IGSF11: variants seen among roughly 807,000 people sequenced by gnomAD.
IGSF11 encodes immunoglobulin superfamily member 11, also known as CXADR like 1.
A neutral mutation model predicts 41.0 loss-of-function variants in IGSF11; 22 were observed. The ratio of observed to expected loss-of-function variants is 0.54; its 90% CI spans 0.38 to 0.77. The LOEUF (loss-of-function observed/expected upper bound fraction) is 0.77, where lower values mean the gene tolerates loss of function less well. IGSF11 is among the 30% of genes least tolerant of loss of function. IGSF11 has a pLI of 0.00. For synonymous variants in IGSF11, 219 were observed against 201.3 expected, an observed-to-expected ratio of 1.09 and a Z score of -0.74; for missense variants, 444 against 530.8, an observed-to-expected ratio of 0.84 and a Z score of 1.61.
chr3:119,120,180 A>G (rs1043507915), intron 1 of IGSF11, among the ~76,000 whole-genome samples: 14 of 152,228 alleles, frequency 9.2e-5, no homozygotes, highest in African/African-American at 3.4e-4. Context: ...ACTACTGTCA[A>G]AACATTTAAG....
At chr3:119,082,148 T>C (rs1473589809) in intron 1 of IGSF11, among the ~76,000 whole-genome samples, 1 of 152,202 alleles carries the variant, frequency 6.6e-6, no homozygotes, top group East Asian at 1.9e-4. Context: ...TATATTCACT[T>C]TCTTTATTCA....
intron 1 of IGSF11, among the ~76,000 whole-genome samples, chr3:118,976,305 G>A (rs1345700285): frequency 2.0e-5 from 3 of 152,168 alleles, no homozygotes; most frequent in Admixed American, 2.0e-4. Flanking sequence ...AAATTAGTTT[G>A]TTTTCCCAAC....
chr3:119,050,242 C>T (rs1266934653), intron 1 of IGSF11, among the ~76,000 whole-genome samples: 5 of 152,026 alleles, frequency 3.3e-5, no homozygotes, highest in Non-Finnish European at 7.4e-5. Flanking sequence ...ATTTTCGCAA[C>T]CTACTCATCT....
chr3:118,962,624 T>G (rs76456475), intron 1 of IGSF11, among the ~76,000 whole-genome samples: 1 of 152,072 alleles, frequency 6.6e-6, no homozygotes. Flanking sequence ...AAACGACCAG[T>G]ATGTAGCCAT....
upstream of IGSF11, chr3:119,034,917 G>A: frequency 4.4e-6 from 4 of 912,468 alleles, no homozygotes; most frequent in Non-Finnish European, 5.5e-6. Context: ...CCGCAGCTCG[G>A]CTCCTCGCCG....
chr3:118,907,455 G>C (rs949981445), intron 4 of IGSF11, among the ~76,000 whole-genome samples: 1 of 152,124 alleles, frequency 6.6e-6, no homozygotes, highest in Non-Finnish European at 1.5e-5. Context: ...AGAGAACAGA[G>C]GGGGATAGGG....
rs527873492 is a variant in IGSF11 at position 119,112,057 on chromosome 3, G to C, written c.-13-6852C>G. ...GGGGTCAGGGGTCTGGGACCCACTT[G>C]AGGAGGCAGTCTGCCCATTCTCAGA... On this transcript the variant is annotated intron_variant, in intron 1 of 7. Transcript: ENST00000425327. Among the ~76,000 whole-genome samples, 6 of 152,336 alleles carry C rather than the reference G, an allele frequency of 3.9e-5. No homozygotes were observed. The South Asian group carries it at 1.2e-3, about 32-fold the overall frequency.
intron 1 of IGSF11, among the ~76,000 whole-genome samples, chr3:119,103,902 T>C (rs1301160483): frequency 3.9e-5 from 6 of 152,216 alleles, no homozygotes; most frequent in Non-Finnish European, 8.8e-5. Flanking sequence ...TAACTGTATC[T>C]GCCAATACTC....
At chr3:118,992,066 A>C (rs528758266) in intron 1 of IGSF11, among the ~76,000 whole-genome samples, 1 of 152,380 alleles carries the variant, frequency 6.6e-6, no homozygotes, top group Non-Finnish European at 1.5e-5. Context: ...AACCATAGGA[A>C]AGTTTTAGCA....
chr3:119,120,565 A>G (rs2077318451), intron 1 of IGSF11, among the ~76,000 whole-genome samples: 2 of 152,226 alleles, frequency 1.3e-5, no homozygotes, highest in Admixed American at 1.3e-4. Context: ...AGGCTTAAGA[A>G]GGTGGTGATT....
At chr3:119,025,313 C>T (rs1445997615) in intron 1 of IGSF11, among the ~76,000 whole-genome samples, 1 of 152,148 alleles carries the variant, frequency 6.6e-6, no homozygotes, top group Non-Finnish European at 1.5e-5. Flanking sequence ...CTAATTCCCT[C>T]ATTTTGCAAA....
intron 1 of IGSF11, among the ~76,000 whole-genome samples, chr3:118,935,252 T>C (rs775239157): frequency 6.9e-6 from 1 of 144,486 alleles, no homozygotes; most frequent in Non-Finnish European, 1.5e-5. Context: ...TATATGTATA[T>C]ATATATAAAT....
At chr3:118,931,702 A>T (rs1942865331) in intron 1 of IGSF11, among the ~76,000 whole-genome samples, 1 of 151,392 alleles carries the variant, frequency 6.6e-6, no homozygotes, top group South Asian at 2.1e-4. Context: ...GGTTCCTGTG[A>T]TGGTTGTACA....
intron 1 of IGSF11, among the ~76,000 whole-genome samples, chr3:119,117,993 G>C (rs748753126): frequency 2.6e-5 from 4 of 152,242 alleles, no homozygotes; most frequent in Non-Finnish European, 4.4e-5. Flanking sequence ...GTCTTGGACA[G>C]CTCTGCCCTT....
chr3:119,110,732 T>C (rs2077140550), intron 1 of IGSF11, among the ~76,000 whole-genome samples: 1 of 152,124 alleles, frequency 6.6e-6, no homozygotes, highest in African/African-American at 2.4e-5. Context: ...CTGGTACCAG[T>C]TGTTCCTTTC....
chr3:118,989,187 A>G (rs1935541600), intron 1 of IGSF11, among the ~76,000 whole-genome samples: 1 of 152,340 alleles, frequency 6.6e-6, no homozygotes, highest in Middle Eastern at 3.4e-3. Flanking sequence ...GGAAAGCAAG[A>G]GCAAATACAC....
At chr3:118,913,220 G>A (rs752395379) in intron 4 of IGSF11, among the ~76,000 whole-genome samples, 1 of 151,850 alleles carries the variant, frequency 6.6e-6, no homozygotes, top group Non-Finnish European at 1.5e-5. Flanking sequence ...TAAACCAAGA[G>A]CTAACAGGAA....
chr3:118,939,575 C>A (rs372537315), intron 1 of IGSF11, among the ~76,000 whole-genome samples: 101 of 137,346 alleles, frequency 7.4e-4, no homozygotes, highest in African/African-American at 7.9e-4. Context: ...GACTCCGTCT[C>A]AAAAAAAAAA....
chr3:119,107,050 G>C (rs1356919290), upstream of IGSF11, among the ~76,000 whole-genome samples: 8 of 152,116 alleles, frequency 5.3e-5, no homozygotes, highest in Non-Finnish European at 7.3e-5. Flanking sequence ...ATCAACATAC[G>C]TGTGCATGTG....
Sources: allele counts gnomAD v4.1 joint callset (sites outside exome capture counted in the v4.1 genomes callset), GRCh38; gene constraint gnomAD v4.1.1; transcripts MANE v1.5; gene names NCBI Gene and HGNC (gene_info 2026-07-23, HGNC 2026-07-21).